SH3BP4: variants seen among roughly 807,000 people sequenced by gnomAD.
The protein encoded by SH3BP4 is SH3 domain binding protein 4, also known as SH3 domain-binding protein 4.
Under a neutral mutation model 65.5 loss-of-function variants are expected in SH3BP4, and 33 were observed. The observed-to-expected ratio is 0.50, with a 90% CI of 0.38 to 0.67. The LOEUF is 0.67. Among genes scored for constraint, SH3BP4 ranks in the 30% least tolerant of loss-of-function variants. The pLI, the probability that SH3BP4 is intolerant of heterozygous loss-of-function variation, is 0.00. For synonymous variants in SH3BP4, 552 were observed against 545.5 expected (o/e 1.01, Z -0.17); for missense variants, 1,134 against 1,261.4 (o/e 0.90, Z 1.53).
intron 1 of SH3BP4, among the ~76,000 whole-genome samples, chr2:234,985,452 A>T (rs114177072): frequency 1.5e-3 from 229 of 152,346 alleles, no homozygotes; most frequent in Middle Eastern, 0.01. Context: ...ACTCTTGTGC[A>T]CAAGCATTTT....
Position 235,042,621 on chromosome 2 carries a change from A to G in SH3BP4, c.1852A>G (p.Lys618Glu). 6.2e-7 allele frequency: 1 copy of G among 1,614,134 alleles called. No homozygotes were observed. Among genetic ancestry groups the G allele is most frequent in the Non-Finnish European group, 8.5e-7 (1 of 1,180,032 alleles). The change falls in exon 4 of 6, where the codon AAG (lysine) becomes GAG (glutamate). Residue 618 changes from lysine to glutamate, a missense_variant. Physicochemically the swap from Lys to Glu is moderately conservative, Grantham distance 56. Coordinates refer to ENST00000392011, the MANE Select transcript of SH3BP4 (RefSeq NM_014521.3). The surrounding 1 kb of genome is among the most constrained non-coding windows in gnomAD (Gnocchi z 7.3). Reference sequence around the variant, plus strand: ...TCAGCCACCCCCTAAAAGTGCCATCAAGCCTTCCGGGCAAAGGAGGTTTCT... The same window carrying G: ...TCAGCCACCCCCTAAAAGTGCCATCGAGCCTTCCGGGCAAAGGAGGTTTCT... ...TPQPPPKSAI[K>E]PSGQRRFLKK...
At chr2:234,972,494 G>A (rs1338615265) in intron 1 of SH3BP4, among the ~76,000 whole-genome samples, 2 of 151,920 alleles carry the variant, frequency 1.3e-5, no homozygotes, top group Admixed American at 6.6e-5. Flanking sequence ...GGAAGCTGAG[G>A]CAGGAGGATC....
intron 1 of SH3BP4, among the ~76,000 whole-genome samples, chr2:234,984,697 A>G (rs1488944170): frequency 6.6e-6 from 1 of 152,140 alleles, no homozygotes; most frequent in Non-Finnish European, 1.5e-5. Flanking sequence ...CCTCAGTTAC[A>G]TCACTCAGCT....
chr2:235,054,130 C>A lies in SH3BP4; in HGVS notation c.*314C>A. On this transcript the variant is annotated 3_prime_UTR_variant, in exon 6 of 6. Transcript: ENST00000392011. ...GGTGGTATCTAATTTTTTTATGGACCATAAAGGTTTAAAAGAAAATAGGGG... is the reference window on the plus strand; with the variant it reads ...GGTGGTATCTAATTTTTTTATGGACAATAAAGGTTTAAAAGAAAATAGGGG... 1 of 293,784 alleles carries A rather than the reference C, an allele frequency of 3.4e-6. No homozygotes were observed. The highest frequency in any genetic ancestry group is 6.4e-6 in the Non-Finnish European group (1 of 156,308). The allele number at this position is 293,784 out of a possible 1,614,324, so 18.2% of individuals were successfully genotyped here. A position where few individuals can be genotyped will look rare whatever the true frequency, so the allele number is the denominator to read the frequency against.
At chr2:235,028,010 G>A (rs1695058272) in intron 2 of SH3BP4, among the ~76,000 whole-genome samples, 1 of 152,178 alleles carries the variant, frequency 6.6e-6, no homozygotes, top group Non-Finnish European at 1.5e-5. Context: ...GTTTGCCGCC[G>A]GAATCTGTCA....
At chr2:234,963,519 C>T (rs772139348) in intron 1 of SH3BP4, among the ~76,000 whole-genome samples, 54 of 152,202 alleles carry the variant, frequency 3.5e-4, no homozygotes, top group Non-Finnish European at 5.6e-4. Flanking sequence ...ACGTGCTTTG[C>T]GTTCTGCGCT....
intron 2 of SH3BP4, among the ~76,000 whole-genome samples, chr2:235,013,332 G>T (rs1427836292): frequency 6.6e-6 from 1 of 152,040 alleles, no homozygotes; most frequent in Non-Finnish European, 1.5e-5. Flanking sequence ...CTTGTGTATG[G>T]AGCTGTTCCC....
At chr2:235,024,253 G>A (rs893646082) in intron 2 of SH3BP4, among the ~76,000 whole-genome samples, 3 of 152,176 alleles carry the variant, frequency 2.0e-5, no homozygotes, top group African/African-American at 4.8e-5. Context: ...ATAAACTAAC[G>A]AGTGACACCT....
At chr2:234,956,350 G>T (rs557168009) in intron 1 of SH3BP4, among the ~76,000 whole-genome samples, 62 of 152,222 alleles carry the variant, frequency 4.1e-4, no homozygotes, top group African/African-American at 1.5e-3. Flanking sequence ...TACAATAAGG[G>T]TTCCACCTTC....
At chr2:235,049,310 G>T (rs773897190) in intron 4 of SH3BP4, among the ~76,000 whole-genome samples, 43 of 152,268 alleles carry the variant, frequency 2.8e-4, no homozygotes, top group Non-Finnish European at 5.3e-4. Flanking sequence ...TTGATCACTC[G>T]CACCAGGAAT....
At position 235,052,894 on chromosome 2, in the gene SH3BP4, A is replaced by C; in HGVS notation, c.2667+144A>C. ...GGAAATGTGCACGCATGTGCCCAGC[A>C]CTGGGTGTGCCTCACTGAGTGGGAG... On this transcript the variant is annotated intron_variant, in intron 5 of 5. Coordinates refer to ENST00000392011, the MANE Select transcript of SH3BP4 (RefSeq NM_014521.3). The surrounding 1 kb of genome is among the most constrained non-coding windows in gnomAD (Gnocchi z 5.0). 1.2e-6 allele frequency: 1 copy of C among 812,144 alleles called. No individual in the cohort carries two copies. Among genetic ancestry groups the C allele is most frequent in the Non-Finnish European group, 1.9e-6 (1 of 529,058 alleles). The allele number at this position is 812,144 out of a possible 1,614,324, so 50.3% of individuals were successfully genotyped here.
chr2:235,023,559 G>A (rs1045967398), intron 2 of SH3BP4, among the ~76,000 whole-genome samples: 1 of 151,724 alleles, frequency 6.6e-6, no homozygotes, highest in Non-Finnish European at 1.5e-5. Context: ...GCGGTGGGGT[G>A]GGGGGTGAGA....
At chr2:235,044,505 C>T (rs577707667) in intron 4 of SH3BP4, among the ~76,000 whole-genome samples, 9 of 152,288 alleles carry the variant, frequency 5.9e-5, no homozygotes, top group Non-Finnish European at 1.0e-4. Context: ...CCCTATCCTC[C>T]GGAGAGGGGC....
intron 1 of SH3BP4, among the ~76,000 whole-genome samples, chr2:234,957,177 C>T (rs530092936): frequency 7.2e-5 from 11 of 152,114 alleles, no homozygotes; most frequent in South Asian, 2.1e-4. Context: ...TGTGCCACCA[C>T]GCCCAGAAGT....
At chr2:234,964,982 C>T (rs371744319) in intron 1 of SH3BP4, among the ~76,000 whole-genome samples, 43 of 152,268 alleles carry the variant, frequency 2.8e-4, no homozygotes, top group South Asian at 1.7e-3. Context: ...GTAGCAGAGT[C>T]GGTCTCCCAG....
At chr2:234,962,829 G>A (rs1220963630) in intron 1 of SH3BP4, among the ~76,000 whole-genome samples, 2 of 151,924 alleles carry the variant, frequency 1.3e-5, no homozygotes, top group East Asian at 1.9e-4. Flanking sequence ...AGGTTCAAGC[G>A]ATTCTCCCGC....
intron 1 of SH3BP4, among the ~76,000 whole-genome samples, chr2:234,962,470 AC>A (rs1692736859): frequency 1.3e-5 from 2 of 152,080 alleles, no homozygotes; most frequent in African/African-American, 2.4e-5. Flanking sequence ...TAATAAAAAA[AC>A]CTTTTCTGCT....
Position 235,030,582 on chromosome 2 carries a change from A to T in SH3BP4, c.-132-4289A>T, listed in dbSNP as rs10198738. On this transcript the variant is annotated intron_variant, in intron 2 of 5. Transcript: ENST00000392011. This position sits in a 1 kb window ranked among gnomAD's most constrained non-coding sequence, Gnocchi z 4.1. ...GAAGTGGGTGATCCAGGGGAGATTG[A>T]GAGGTTATCACCCAGAGGTGGCCAG... 0.11 allele frequency among the ~76,000 whole-genome samples: 16,983 copies of T among 150,798 alleles called. 2,370 individuals are homozygous for T. The highest frequency in any genetic ancestry group is 0.33 in the African/African-American group (13,661 of 41,190).
At position 235,043,022 on chromosome 2, in the gene SH3BP4, C is replaced by T. The variant is rs1421675850; in HGVS notation, c.2253C>T (p.Leu751=). Residue 751 remains leucine (L), a synonymous_variant, in exon 4 of 6, where the codon CTC becomes CTT. Transcript: ENST00000392011. ...AGATCCTGCGGCCCTGCAAATTCCTCACGTACATCTATGCCTCCGTGAGGA... is the reference window on the plus strand; with the variant it reads ...AGATCCTGCGGCCCTGCAAATTCCTTACGTACATCTATGCCTCCGTGAGGA... ...LEQILRPCKF[L]TYIYASVRTL... The T allele has an allele frequency of 5.6e-6, 9 of 1,609,308 alleles. No individual in the cohort carries two copies. Among genetic ancestry groups the T allele is most frequent in the Non-Finnish European group, 7.7e-6 (9 of 1,176,370 alleles).
Sources: gnomAD v4.1 joint callset for allele counts (sites outside exome capture counted in the v4.1 genomes callset) on GRCh38, gnomAD v4.1.1 for gene constraint, Gnocchi (gnomAD v3.1) non-coding constraint, MANE v1.5 for transcripts, NCBI Gene and HGNC (gene_info 2026-07-23, HGNC 2026-07-21) for gene names.